The following ASTN2 variants were observed in gnomAD, a reference collection of about 807,000 sequenced individuals.
ASTN2 encodes the protein astrotactin-2.
Under a neutral mutation model 139.8 loss-of-function variants are expected in ASTN2, and 54 were observed. That is an observed-to-expected ratio of 0.39 (90% CI 0.31 to 0.48). The LOEUF (loss-of-function observed/expected upper bound fraction) is 0.48. Ranked by LOEUF, ASTN2 falls within the 20% of genes least tolerant of loss-of-function variation. ASTN2 has a pLI of 0.95. For synonymous variants in ASTN2, 756 were observed against 719.5 expected, an observed-to-expected ratio of 1.05 and a Z score of -0.81; for missense variants, 1,565 against 1,725.1, an observed-to-expected ratio of 0.91 and a Z score of 1.64.
chr9:116,958,735 A>G (rs1375745864), intron 10 of ASTN2, among the ~76,000 whole-genome samples: 1 of 152,130 alleles, frequency 6.6e-6, no homozygotes, highest in East Asian at 1.9e-4. Flanking sequence ...TAGGATCATA[A>G]TAGTCCCAGA....
chr9:116,502,308 C>A (rs1448832527), intron 19 of ASTN2, among the ~76,000 whole-genome samples: 1 of 151,486 alleles, frequency 6.6e-6, no homozygotes, highest in African/African-American at 2.4e-5. Flanking sequence ...GACACAAAGA[C>A]ACACACTCAC....
intron 6 of ASTN2, among the ~76,000 whole-genome samples, chr9:117,008,823 T>A (rs1030386531): frequency 4.6e-5 from 7 of 152,136 alleles, no homozygotes; most frequent in African/African-American, 1.7e-4. Flanking sequence ...ACTGGCTGAG[T>A]GTGAGGGAAA....
At chr9:117,345,139 A>G (rs1046965045) in intron 1 of ASTN2, among the ~76,000 whole-genome samples, 2 of 152,120 alleles carry the variant, frequency 1.3e-5, no homozygotes, top group Non-Finnish European at 2.9e-5. Flanking sequence ...GACTGCCAGG[A>G]GCCAAGCCTG....
At chr9:116,450,060 G>T (rs377747895) in intron 20 of ASTN2, among the ~76,000 whole-genome samples, 8 of 152,170 alleles carry the variant, frequency 5.3e-5, no homozygotes, top group Non-Finnish European at 1.2e-4. Flanking sequence ...AAGTTTTGGG[G>T]TCATTTGTTG....
chr9:116,474,694 T>C (rs1848921972), intron 20 of ASTN2, among the ~76,000 whole-genome samples: 1 of 152,206 alleles, frequency 6.6e-6, no homozygotes, highest in Non-Finnish European at 1.5e-5. Context: ...CCTGGTTTCA[T>C]TCCTAGAGTC....
At chr9:116,491,958 A>G (rs1267063551) in intron 19 of ASTN2, among the ~76,000 whole-genome samples, 1 of 152,154 alleles carries the variant, frequency 6.6e-6, no homozygotes, top group Non-Finnish European at 1.5e-5. Flanking sequence ...CTATATTCTT[A>G]TATGTAAAAT....
chr9:117,375,100 A>G (rs771183739), intron 1 of ASTN2, among the ~76,000 whole-genome samples: 5 of 152,230 alleles, frequency 3.3e-5, no homozygotes, highest in Admixed American at 2.0e-4. Context: ...AGTTTCAACA[A>G]GAAACATCCT....
At chr9:116,973,959 G>T (rs992689276) in intron 10 of ASTN2, among the ~76,000 whole-genome samples, 6 of 152,198 alleles carry the variant, frequency 3.9e-5, no homozygotes, top group Non-Finnish European at 5.9e-5. Context: ...AAGTAAGAGA[G>T]TTGGGTTCTA....
rs546713375 is a variant in ASTN2, at chr9:117,180,924, C to T, written c.1015+33434G>A. The T allele has an allele frequency of 1.9e-6, 3 of 1,595,478 alleles. No individual in the cohort carries two copies. In the South Asian group the frequency reaches 3.3e-5, roughly 18 times the overall value. ...CAATTACATGCTCCTTGTTCTGCAG[C>T]TTGGTGTGGATGGACATGATAACTT... On this transcript the variant is annotated intron_variant, in intron 3 of 22. Coordinates refer to ENST00000313400, the MANE Select transcript of ASTN2 (RefSeq NM_001365068.1).
intron 12 of ASTN2, among the ~76,000 whole-genome samples, chr9:116,815,649 T>C (rs1454441180): frequency 2.0e-5 from 3 of 150,574 alleles, no homozygotes; most frequent in Admixed American, 1.3e-4. Flanking sequence ...ACTAAAAATA[T>C]AAAAAATTAG....
intron 17 of ASTN2, among the ~76,000 whole-genome samples, chr9:116,624,794 G>A (rs552000347): frequency 9.2e-5 from 14 of 151,932 alleles, no homozygotes; most frequent in South Asian, 2.1e-4. Context: ...TCATCTCCAC[G>A]GTATTAACAA....
intron 2 of ASTN2, among the ~76,000 whole-genome samples, chr9:117,220,655 C>G (rs1348626838): frequency 1.3e-5 from 2 of 152,134 alleles, no homozygotes; most frequent in Admixed American, 1.3e-4. Flanking sequence ...CCATGAGAAA[C>G]TGGTAGAAAG....
chr9:116,654,488 T>G (rs986482759), intron 16 of ASTN2, among the ~76,000 whole-genome samples: 2 of 152,220 alleles, frequency 1.3e-5, no homozygotes, highest in Non-Finnish European at 2.9e-5. Context: ...GCACCATCAA[T>G]ATACTTAGAT....
At position 117,160,722 on chromosome 9, in the gene ASTN2, A is replaced by G. The variant is rs149520956; in HGVS notation, c.1016-19244T>C. Among the ~76,000 whole-genome samples, 40 of 152,196 alleles carry G rather than the reference A, an allele frequency of 2.6e-4. 1 individual carries two copies. The highest frequency in any genetic ancestry group is 4.4e-4 in the Non-Finnish European group (30 of 67,974). On this transcript the variant is annotated intron_variant, in intron 3 of 22. Coordinates refer to ENST00000313400, the MANE Select transcript of ASTN2 (RefSeq NM_001365068.1). ...AGTAGGCACTCAGTAAGATTTCTTA[A>G]TAAGTGAAATGCAAGGTGTGCAAAC...
chr9:117,355,296 C>T (rs1328299705), intron 1 of ASTN2, among the ~76,000 whole-genome samples: 2 of 152,118 alleles, frequency 1.3e-5, no homozygotes, highest in African/African-American at 2.4e-5. Context: ...GATTCAAACC[C>T]ATATTCAGAG....
At chr9:116,732,008 T>TA (rs1055467314) in intron 14 of ASTN2, among the ~76,000 whole-genome samples, 4 of 151,938 alleles carry the variant, frequency 2.6e-5, no homozygotes, top group South Asian at 2.1e-4. Flanking sequence ...TTTATGATCT[T>TA]AAAAAAAATG....
chr9:116,710,625 G>A (rs1828125691), intron 16 of ASTN2, among the ~76,000 whole-genome samples: 1 of 151,330 alleles, frequency 6.6e-6, no homozygotes, highest in South Asian at 2.1e-4. Context: ...CAGCTACTCG[G>A]GGAAGTCTGA....
At chr9:116,857,048 ATAGT>A (rs1832758995) in intron 11 of ASTN2, among the ~76,000 whole-genome samples, 2 of 152,192 alleles carry the variant, frequency 1.3e-5, no homozygotes, top group East Asian at 3.9e-4. Flanking sequence ...TTCCTACCAG[ATAGT>A]TTCATTTTTC....
At chr9:117,060,356 A>G (rs369011888) in intron 5 of ASTN2, among the ~76,000 whole-genome samples, 7 of 65,832 alleles carry the variant, frequency 1.1e-4, no homozygotes, top group African/African-American at 2.5e-4. Context: ...GAAAGAAAGA[A>G]AGAAAGAAAG....
Sources: allele counts gnomAD v4.1 joint callset (sites outside exome capture counted in the v4.1 genomes callset), GRCh38; gene constraint gnomAD v4.1.1; transcripts MANE v1.5; gene names NCBI Gene and HGNC (gene_info 2026-07-23, HGNC 2026-07-21).